Variants in EXTL2 observed in about 807,000 individuals in gnomAD.
EXTL2 encodes exostosin like glycosyltransferase 2.
EXTL2 carries 23 observed loss-of-function variants against 30.7 expected under a neutral mutation model. The ratio of observed to expected loss-of-function variants is 0.75; its 90% CI spans 0.54 to 1.06. The LOEUF is 1.06. EXTL2 is among the 50% of genes least tolerant of loss of function. EXTL2 has a pLI of 0.00. For synonymous variants in EXTL2, 123 were observed against 133.8 expected (o/e 0.92, Z 0.56); for missense variants, 352 against 396.3 (o/e 0.89, Z 0.95).
At chr1:100,881,838 A>G (rs773081971) in intron 2 of EXTL2, among the ~76,000 whole-genome samples, 2 of 152,190 alleles carry the variant, frequency 1.3e-5, no homozygotes, top group Non-Finnish European at 1.5e-5. Context: ...TCTACACCAG[A>G]GGTCCCCAAT....
At chr1:100,885,538 A>G (rs1649895468) in intron 2 of EXTL2, 1 of 152,262 alleles carries the variant, frequency 6.6e-6, no homozygotes. Flanking sequence ...AGAGAAAACT[A>G]AGTCAGAACA....
intron 2 of EXTL2, among the ~76,000 whole-genome samples, chr1:100,884,257 A>G (rs1649789220): frequency 1.3e-5 from 2 of 152,186 alleles, no homozygotes; most frequent in African/African-American, 2.4e-5. Flanking sequence ...CCATTTCACT[A>G]CGAGATTTGC....
At chr1:100,890,429 T>C (rs1650331695) in intron 1 of EXTL2, among the ~76,000 whole-genome samples, 1 of 152,220 alleles carries the variant, frequency 6.6e-6, no homozygotes, top group East Asian at 1.9e-4. Context: ...GTCTTGGTGA[T>C]TAACATTAGG....
chr1:100,876,906 A>G, intron 3 of EXTL2, 42 bp from the exon 4 acceptor site: 1 of 1,374,488 alleles, frequency 7.3e-7, no homozygotes, highest in Non-Finnish European at 1.0e-6. Context: ...TAGTTCGGAA[A>G]TGAAAACAAA....
chr1:100,888,445 A>G (rs1650150208), intron 2 of EXTL2: 1 of 246,886 alleles, frequency 4.1e-6, no homozygotes, highest in Non-Finnish European at 7.7e-6. Context: ...AATTGAAATA[A>G]GCAGTCACAA....
chr1:100,887,202 A>C (rs780973874), intron 2 of EXTL2, among the ~76,000 whole-genome samples: 8 of 152,218 alleles, frequency 5.3e-5, no homozygotes, highest in Non-Finnish European at 1.2e-4. Flanking sequence ...TTTCTCTTTT[A>C]TCCAATATTG....
At chr1:100,891,293 G>A (rs907170387) in intron 1 of EXTL2, among the ~76,000 whole-genome samples, 1 of 152,154 alleles carries the variant, frequency 6.6e-6, no homozygotes, top group Non-Finnish European at 1.5e-5. Context: ...GCATAATTAT[G>A]ACCGTATTAT....
At chr1:100,879,093 T>C (rs1457965958) in intron 2 of EXTL2, among the ~76,000 whole-genome samples, 2 of 152,196 alleles carry the variant, frequency 1.3e-5, no homozygotes, top group Non-Finnish European at 2.9e-5. Flanking sequence ...CTTGCTTATA[T>C]GAGAAAAGGT....
intron 4 of EXTL2, 132 bp downstream of exon 4, chr1:100,876,662 C>A: frequency 1.7e-6 from 1 of 577,090 alleles, no homozygotes; most frequent in Non-Finnish European, 3.0e-6. Context: ...TAGCCTATAA[C>A]AAATTCATCC....
At chr1:100,894,325 CAA>C (rs917507542) in intron 1 of EXTL2, among the ~76,000 whole-genome samples, 1 of 151,528 alleles carries the variant, frequency 6.6e-6, no homozygotes. Flanking sequence ...AACTTCCTTC[CAA>C]AAAAAGAGTA....
In EXTL2 at chr1:100,874,056, C is replaced by T. The variant is rs768112759; in HGVS notation, c.879G>A (p.Arg293=). 1 of 1,613,106 alleles carries T rather than the reference C, an allele frequency of 6.2e-7. No homozygotes were observed. The change falls in exon 5 of 5, where the codon AGG becomes AGA. Residue 293 remains arginine (R), a synonymous_variant. Transcript: ENST00000370114. The part of the protein sequence containing the change: ...MWHRAEHALQ[R]SYCINKLVNI... The stretch of plus-strand genomic sequence containing the variant: ...TAACAAGCTTATTTATACAATAAGA[C>T]CTCTGCAGAGCGTGCTCAGCTCGAT...
At chr1:100,875,431 G>T (rs1484501685) in intron 4 of EXTL2, among the ~76,000 whole-genome samples, 1 of 152,010 alleles carries the variant, frequency 6.6e-6, no homozygotes, top group Admixed American at 6.6e-5. Flanking sequence ...TTGCTGGGAG[G>T]CAAAGGGGAA....
chr1:100,888,544 C>T (rs567061634), intron 2 of EXTL2: 16 of 368,724 alleles, frequency 4.3e-5, no homozygotes, highest in Non-Finnish European at 5.9e-5. Context: ...TTGCCAGGGG[C>T]TGGGAGTAGG....
At position 100,874,267 on chromosome 1, in the gene EXTL2, A is replaced by G. The variant is rs1648925596; in HGVS notation, c.668T>C (p.Leu223Pro). 1 of 1,612,936 alleles carries G rather than the reference A, an allele frequency of 6.2e-7. No homozygotes were observed. ...IGASFFNSKY[L>P]ELFQRQPAAV... ...TGCAGGTTGCCTCTGAAATAATTCA[A>G]GATATTTGCTATTGAAGAATGAGGC... The change falls in exon 5 of 5, where the codon CTT becomes CCT. Residue 223 changes from leucine to proline, a missense_variant. Coordinates refer to ENST00000370114, the MANE Select transcript of EXTL2 (RefSeq NM_001033025.3).
At position 100,876,828 on chromosome 1, in the gene EXTL2, G is replaced by T; in HGVS notation, c.470C>A (p.Thr157Asn). The change falls in exon 4 of 5, where the codon ACC becomes AAC. Residue 157 changes from threonine to asparagine, a missense_variant. Physicochemically the swap from Thr to Asn is moderately conservative, Grantham distance 65. Transcript: ENST00000370114. The stretch of plus-strand genomic sequence containing the variant: ...TGAGAAAGCAAAAACAAGGTCTGGG[G>T]TGCTGATGAGTGTGTCATCATCTAC... ...LMVDDDTLIS[T>N]PDLVFAFSVW... 6.2e-7 allele frequency: 1 copy of T among 1,612,242 alleles called. No individual in the cohort carries two copies. Among genetic ancestry groups the T allele is most frequent in the Non-Finnish European group, 8.5e-7 (1 of 1,178,732 alleles).
At chr1:100,885,084 GGTCA>G (rs1649857413) in intron 2 of EXTL2, among the ~76,000 whole-genome samples, 1 of 152,198 alleles carries the variant, frequency 6.6e-6, no homozygotes, top group African/African-American at 2.4e-5. Flanking sequence ...AGAAGAGCTG[GGTCA>G]TCACCCATCT....
At chr1:100,892,820 T>C (rs1650538164) in intron 1 of EXTL2, among the ~76,000 whole-genome samples, 1 of 152,190 alleles carries the variant, frequency 6.6e-6, no homozygotes. Flanking sequence ...TATGTACCTT[T>C]ACAACTCCTT....
intron 2 of EXTL2, among the ~76,000 whole-genome samples, chr1:100,887,744 G>C (rs1477558564): frequency 6.6e-6 from 1 of 150,746 alleles, no homozygotes; most frequent in South Asian, 2.1e-4. Context: ...TCACTCTGTC[G>C]CCCAGGCTGG....
At chr1:100,890,378 T>C (rs753420977) in intron 1 of EXTL2, among the ~76,000 whole-genome samples, 16 of 152,238 alleles carry the variant, frequency 1.1e-4, no homozygotes, top group African/African-American at 1.7e-4. Flanking sequence ...GAGAAGCTGC[T>C]GTGAAGGTCT....
Sources: allele counts gnomAD v4.1 joint callset (sites outside exome capture counted in the v4.1 genomes callset), GRCh38; gene constraint gnomAD v4.1.1; transcripts MANE v1.5; gene names NCBI Gene and HGNC (gene_info 2026-07-23, HGNC 2026-07-21).